OGFOD2: variants seen among roughly 807,000 people sequenced by gnomAD.
The protein encoded by OGFOD2 is 2-oxoglutarate and iron dependent oxygenase domain containing 2, also known as 2-oxoglutarate and iron-dependent oxygenase domain-containing protein 2.
Under a neutral mutation model 31.1 loss-of-function variants are expected in OGFOD2, and 34 were observed. The ratio of observed to expected loss-of-function variants is 1.09; its 90% CI spans 0.83 to 1.45. OGFOD2 has a LOEUF of 1.45. Ranked by LOEUF, OGFOD2 falls within the 40% of genes most tolerant of loss-of-function variation. The pLI is 0.00. For missense variants in OGFOD2, 537 were observed against 433.9 expected (o/e 1.24, Z -2.11); for synonymous variants, 240 against 192.3 (o/e 1.25, Z -2.05).
intron 4 of OGFOD2, chr12:122,977,181 T>C (rs1209936233): frequency 1.6e-6 from 1 of 612,886 alleles, no homozygotes; most frequent in African/African-American, 1.8e-5. Context: ...CTTCATTCTT[T>C]CCTTCACCCT....
exon 7 of OGFOD2, chr12:122,979,111 A>G: frequency 6.2e-7 from 1 of 1,601,664 alleles, no homozygotes; most frequent in South Asian, 1.1e-5. Flanking sequence ...GAGCCCCTGG[A>G]GGTGGAGCAC....
intron 2 of OGFOD2, 185 bp downstream of exon 2, chr12:122,976,052 A>AATGCTAAG (rs1475362511): frequency 1.7e-6 from 1 of 601,098 alleles, no homozygotes; most frequent in Non-Finnish European, 3.0e-6. Context: ...GAGAAGGGGA[A>AATGCTAAG]ATGCTAAGTT....
At chr12:122,976,788 T>C (rs756074089) in intron 3 of OGFOD2, 21 bp downstream of exon 3, 2 of 1,608,300 alleles carry the variant, frequency 1.2e-6, no homozygotes, top group Non-Finnish European at 1.7e-6. Context: ...GCCAGAGTGC[T>C]TGAAGGCCGG....
chr12:122,977,023 A>G, intron 4 of OGFOD2, 53 bp downstream of exon 4: 2 of 1,548,606 alleles, frequency 1.3e-6, no homozygotes, highest in South Asian at 2.2e-5. Context: ...AGCCTGGGAA[A>G]CCTGGGTGTG....
chr12:122,976,427 C>T, intron 2 of OGFOD2: 1 of 1,612,764 alleles, frequency 6.2e-7, no homozygotes, highest in South Asian at 1.1e-5. Flanking sequence ...CTCATCCCAG[C>T]TAGGCTCAGG....
At chr12:122,978,552 A>G in exon 5 of OGFOD2, 1 of 1,612,932 alleles carries the variant, frequency 6.2e-7, no homozygotes, top group Non-Finnish European at 8.5e-7. Flanking sequence ...GAGGCCCAAC[A>G]CCATGAACAA....
At chr12:122,976,557 G>T (rs2135953807) in intron 2 of OGFOD2, 97 bp from the exon 3 acceptor site, 1 of 1,284,890 alleles carries the variant, frequency 7.8e-7, no homozygotes, top group East Asian at 2.4e-5. Flanking sequence ...TTCCAGCCTG[G>T]GCCCTGTCTG....
At chr12:122,975,024 C>A, upstream of OGFOD2, 1 of 444,514 alleles carries the variant, frequency 2.2e-6, no homozygotes. Flanking sequence ...GCCATTAGTC[C>A]CTGCCTCGTA....
chr12:122,976,740 A>C (rs772632654), exon 3 of OGFOD2: 4 of 1,613,752 alleles, frequency 2.5e-6, no homozygotes, highest in Non-Finnish European at 3.4e-6. Flanking sequence ...ACCACCCGGC[A>C]CGGCCTGAGG....
At position 122,975,828 on chromosome 12, in the gene OGFOD2, CTG is replaced by C; in HGVS notation, c.154_155del (p.Val52Ter). 1.4e-6 allele frequency: 1 copy of C among 703,010 alleles called. No homozygotes were observed. Among genetic ancestry groups the C allele is most frequent in the Non-Finnish European group, 2.6e-6 (1 of 384,970 alleles). The allele number at this position is 703,010 out of a possible 1,614,324, so 43.5% of individuals were successfully genotyped here. On this transcript the variant is annotated frameshift_variant, in exon 2 of 7. Coordinates refer to ENST00000228922, the Ensembl canonical transcript of OGFOD2. LOFTEE classifies it high-confidence loss of function. ...GCTCCCAGATCCTGCGCAGCCGAGG[CTG>C]TGTTAGCGCCAAGGACTTCCAGCAG... is the stretch of plus-strand genomic sequence containing the variant.
At chr12:122,975,544 G>A (rs2037392350) in intron 1 of OGFOD2, 161 bp downstream of exon 1, 1 of 595,552 alleles carries the variant, frequency 1.7e-6, no homozygotes, top group Non-Finnish European at 3.0e-6. Flanking sequence ...CCGTAAAGGG[G>A]TAATAGTATC....
In OGFOD2 at chr12:122,977,457, G is replaced by A. The variant is rs552378255; in HGVS notation, c.403+487G>A. ...GGCAAAAAATGCCCCACTTCTCTTCGGATTTCTTGCTGGGCTCACTTATTG... is the reference window on the plus strand; with the variant it reads ...GGCAAAAAATGCCCCACTTCTCTTCAGATTTCTTGCTGGGCTCACTTATTG... On this transcript the variant is annotated intron_variant, in intron 4 of 6. Coordinates refer to ENST00000228922, the Ensembl canonical transcript of OGFOD2. The A allele has an allele frequency of 1.2e-3, 260 of 209,904 alleles. 5 individuals carry two copies. Among genetic ancestry groups the A allele is most frequent in the South Asian group, 0.012 (176 of 15,214 alleles). 13.0% of individuals were successfully genotyped at this position (209,904 alleles called of 1,614,324 possible).
At chr12:122,975,579 A>G (rs1201842704) in intron 1 of OGFOD2, 196 bp downstream of exon 1, 1 of 592,126 alleles carries the variant, frequency 1.7e-6, no homozygotes, top group African/African-American at 1.9e-5. Context: ...TGAGGAAGGA[A>G]TGAACAAGCA....
At chr12:122,977,413 C>G in intron 4 of OGFOD2, 2 of 220,066 alleles carry the variant, frequency 9.1e-6, no homozygotes, top group South Asian at 5.7e-5. Context: ...GGCCTGCGGC[C>G]ATGCCAAACT....
chr12:122,979,283 GGGCTTCGGTGAT>G, exon 7 of OGFOD2: 2 of 1,612,918 alleles, frequency 1.2e-6, no homozygotes, highest in Non-Finnish European at 1.7e-6. Flanking sequence ...TGGACGATGA[GGGCTTCGGTGAT>G]GGCTTCACCC....
At chr12:122,979,262 G>A (rs1566214930) in exon 7 of OGFOD2, 1 of 1,612,978 alleles carries the variant, frequency 6.2e-7, no homozygotes, top group Admixed American at 1.7e-5. Context: ...GCTGCCGTGA[G>A]CCCGACCTGG....
chr12:122,977,091 C>G (rs868036340), intron 4 of OGFOD2, 121 bp downstream of exon 4: 9 of 903,418 alleles, frequency 1.0e-5, no homozygotes, highest in Middle Eastern at 2.1e-4. Context: ...CCAGCAGGAG[C>G]TGGAAGGGTC....
chr12:122,979,707 G>A (rs1271273147), exon 7 of OGFOD2: 5 of 270,114 alleles, frequency 1.9e-5, no homozygotes, highest in Non-Finnish European at 2.8e-5. Flanking sequence ...GGCCAGAGAG[G>A]AGTGAATAAC....
At chr12:122,975,166 C>T (rs2037372403), upstream of OGFOD2, 1 of 497,522 alleles carries the variant, frequency 2.0e-6, no homozygotes, top group Non-Finnish European at 3.7e-6. Flanking sequence ...AGAGCGGCCC[C>T]TTGGCCGCTG....
Sources: allele counts gnomAD v4.1 joint callset, GRCh38; gene constraint gnomAD v4.1.1; transcripts MANE v1.5; gene names NCBI Gene and HGNC (gene_info 2026-07-23, HGNC 2026-07-21).